SOX5: variants seen among roughly 807,000 people sequenced by gnomAD.
SOX5 encodes SRY-box transcription factor 5.
In SOX5, 9 loss-of-function variants were observed where a neutral mutation model predicts 92.0. That is an observed-to-expected ratio of 0.10 (90% confidence interval 0.06 to 0.17). The LOEUF (loss-of-function observed/expected upper bound fraction) is 0.17, where lower values mean the gene tolerates loss of function less well. Ranked by LOEUF, SOX5 falls within the 10% of genes least tolerant of loss-of-function variation. The probability of loss-of-function intolerance (pLI) is 1.00; values close to 1 mark genes in which losing one functional copy is unlikely to be tolerated. For synonymous variants in SOX5, 344 were observed against 336.3 expected, an observed-to-expected ratio of 1.02 and a Z score of -0.25; for missense variants, 642 against 944.5, an observed-to-expected ratio of 0.68 and a Z score of 4.20.
intron 7 of SOX5, among the ~76,000 whole-genome samples, chr12:23,653,287 T>A (rs2081917922): frequency 6.6e-6 from 1 of 152,026 alleles, no homozygotes; most frequent in African/African-American, 2.4e-5. Context: ...TTTCTGGTCT[T>A]TAGGCTTTTT....
chr12:23,973,905 G>A (rs904044294), intron 4 of SOX5, among the ~76,000 whole-genome samples: 3 of 152,142 alleles, frequency 2.0e-5, no homozygotes, highest in African/African-American at 7.2e-5. Context: ...TTGATAATCC[G>A]AGTGGAACAG....
chr12:24,390,890 G>A (rs1958927559), intron 1 of SOX5, among the ~76,000 whole-genome samples: 2 of 152,116 alleles, frequency 1.3e-5, no homozygotes, highest in Non-Finnish European at 2.9e-5. Context: ...TGATAAACAT[G>A]CGAATGCAGG....
At chr12:24,326,183 A>T (rs971684710) in intron 2 of SOX5, among the ~76,000 whole-genome samples, 3 of 151,616 alleles carry the variant, frequency 2.0e-5, no homozygotes, top group Non-Finnish European at 4.4e-5. Context: ...CCCTTTTCTT[A>T]CTCTCTCCCA....
chr12:24,290,502 A>C (rs73060333), intron 2 of SOX5, among the ~76,000 whole-genome samples: 16,158 of 152,204 alleles, frequency 0.11, 999 homozygotes, highest in Non-Finnish European at 0.14. Flanking sequence ...CACTAGGGGA[A>C]GATAAGACCT....
chr12:24,429,537 C>T (rs750204894), intron 1 of SOX5, among the ~76,000 whole-genome samples: 1 of 151,588 alleles, frequency 6.6e-6, no homozygotes, highest in Non-Finnish European at 1.5e-5. Flanking sequence ...GGGAAGCTTC[C>T]ATATAAAATA....
rs374633599 is a variant in SOX5, at chr12:24,201,465, T to C, written c.-2+11878A>G. Among the ~76,000 whole-genome samples the C allele has an allele frequency of 1.2e-4, 18 of 152,302 alleles. No homozygotes were observed. The East Asian group carries it at 2.9e-3, about 25-fold the overall frequency. The stretch of plus-strand genomic sequence containing the variant: ...TGAATACCCTGGTCTACAGTGCAAG[T>C]CCATTCTCTACTAGCAGTATAATTT... On this transcript the variant is annotated intron_variant, in intron 4 of 4. Transcript: ENST00000446891.
intron 1 of SOX5, among the ~76,000 whole-genome samples, chr12:24,503,589 T>C (rs927534830): frequency 1.3e-5 from 2 of 152,094 alleles, no homozygotes; most frequent in South Asian, 4.1e-4. Flanking sequence ...TGCCCATCAA[T>C]GATAGATGGG....
intron 1 of SOX5, among the ~76,000 whole-genome samples, chr12:24,484,681 C>T (rs954505627): frequency 2.0e-5 from 3 of 152,114 alleles, no homozygotes; most frequent in Admixed American, 1.3e-4. Flanking sequence ...ATGTATGCAT[C>T]GTAACAAAAC....
upstream of SOX5, among the ~76,000 whole-genome samples, chr12:23,955,426 A>G (rs915721652): frequency 3.9e-5 from 6 of 152,158 alleles, no homozygotes; most frequent in African/African-American, 1.4e-4. Flanking sequence ...AATAATTTCT[A>G]AAATAGGTTT....
intron 6 of SOX5, among the ~76,000 whole-genome samples, chr12:23,730,712 A>G (rs2093358682): frequency 6.6e-6 from 1 of 152,226 alleles, no homozygotes; most frequent in Non-Finnish European, 1.5e-5. Flanking sequence ...AAGCAATTAA[A>G]TAAAACCCGT....
chr12:23,753,956 G>GCTTTTT (rs2094276505), intron 4 of SOX5, among the ~76,000 whole-genome samples: 2 of 151,780 alleles, frequency 1.3e-5, no homozygotes, highest in African/African-American at 2.4e-5. Flanking sequence ...CTGAACAGAA[G>GCTTTTT]AAAGACCTAC....
intron 1 of SOX5, among the ~76,000 whole-genome samples, chr12:23,913,044 T>C (rs867701711): frequency 6.6e-6 from 1 of 152,186 alleles, no homozygotes; most frequent in Non-Finnish European, 1.5e-5. Flanking sequence ...GCACACATTA[T>C]CACGTCCATT....
At chr12:24,423,288 C>A (rs1370794727) in intron 1 of SOX5, among the ~76,000 whole-genome samples, 2 of 152,158 alleles carry the variant, frequency 1.3e-5, no homozygotes, top group African/African-American at 2.4e-5. Context: ...TCAATTGATT[C>A]TGAAATAAAC....
upstream of SOX5, among the ~76,000 whole-genome samples, chr12:23,955,714 C>T (rs1201931330): frequency 6.6e-6 from 1 of 151,916 alleles, no homozygotes; most frequent in African/African-American, 2.4e-5. Flanking sequence ...CTCAATCACC[C>T]TCGTGGTAAA....
chr12:24,088,446 C>A (rs972803), intron 4 of SOX5, among the ~76,000 whole-genome samples: 146,605 of 152,138 alleles, frequency 0.96, 70,877 homozygotes, highest in Middle Eastern at 1. Context: ...TGACTTACCA[C>A]AACTCTGCAC....
chr12:23,675,190 A>G (rs2085464193), intron 6 of SOX5, among the ~76,000 whole-genome samples: 1 of 152,212 alleles, frequency 6.6e-6, no homozygotes, highest in African/African-American at 2.4e-5. Flanking sequence ...TATTTCCCAC[A>G]TCACTACTAT....
chr12:24,144,776 C>T (rs1950909701), intron 4 of SOX5, among the ~76,000 whole-genome samples: 1 of 152,032 alleles, frequency 6.6e-6, no homozygotes, highest in African/African-American at 2.4e-5. Flanking sequence ...CTGCAGTGAG[C>T]TATGGTCCTG....
At chr12:24,517,957 C>T (rs74070936) in intron 1 of SOX5, among the ~76,000 whole-genome samples, 4,761 of 152,208 alleles carry the variant, frequency 0.031, 93 homozygotes, top group Middle Eastern at 0.095. Context: ...GTAGTTTCAA[C>T]GTACAATACA....
intron 2 of SOX5, among the ~76,000 whole-genome samples, chr12:23,864,627 T>C (rs1013954474): frequency 6.6e-6 from 1 of 152,206 alleles, no homozygotes; most frequent in African/African-American, 2.4e-5. Context: ...AAAATTCATT[T>C]AAGCCAAACC....
Sources: gnomAD v4.1 joint callset for allele counts (sites outside exome capture counted in the v4.1 genomes callset) on GRCh38, gnomAD v4.1.1 for gene constraint, MANE v1.5 for transcripts, NCBI Gene and HGNC (gene_info 2026-07-23, HGNC 2026-07-21) for gene names.